ESR1: variants seen among roughly 807,000 people sequenced by gnomAD.
ESR1 encodes the protein estrogen receptor 1, also known as estrogen receptor.
Under a neutral mutation model 52.7 loss-of-function variants are expected in ESR1, and 12 were observed. That is an observed-to-expected ratio of 0.23 (90% confidence interval 0.15 to 0.37). The LOEUF is 0.37. Among genes scored for constraint, ESR1 ranks in the 10% least tolerant of loss-of-function variants. The pLI, the probability that ESR1 is intolerant of heterozygous loss-of-function variation, is 1.00. For missense variants in ESR1, 584 were observed against 779.7 expected (o/e 0.75, Z 2.99); for synonymous variants, 305 against 316.8 (o/e 0.96, Z 0.39).
At chr6:151,734,747 C>T (rs1387587532) in intron 2 of ESR1, among the ~76,000 whole-genome samples, 3 of 152,080 alleles carry the variant, frequency 2.0e-5, no homozygotes, top group Non-Finnish European at 2.9e-5. Flanking sequence ...CTCAGCCTCC[C>T]GAGTAGCTGG....
intron 3 of ESR1, among the ~76,000 whole-genome samples, chr6:151,903,872 T>C (rs1388282225): frequency 1.3e-5 from 2 of 152,228 alleles, no homozygotes; most frequent in African/African-American, 4.8e-5. Flanking sequence ...AAAAAATATA[T>C]TTATCTCCTA....
At chr6:151,683,041 C>T (rs1342099064) in intron 1 of ESR1, among the ~76,000 whole-genome samples, 1 of 152,180 alleles carries the variant, frequency 6.6e-6, no homozygotes, top group Non-Finnish European at 1.5e-5. Context: ...CTTATGGTGA[C>T]CTAGTGATCC....
At chr6:151,909,308 A>G (rs1797904549) in intron 3 of ESR1, among the ~76,000 whole-genome samples, 1 of 152,204 alleles carries the variant, frequency 6.6e-6, no homozygotes, top group South Asian at 2.1e-4. Context: ...TTAGTGAACT[A>G]GGCCATGACT....
chr6:152,119,022 G>A (rs909207326), intron 6 of ESR1, among the ~76,000 whole-genome samples: 28 of 152,260 alleles, frequency 1.8e-4, no homozygotes, highest in Admixed American at 1.3e-3. Flanking sequence ...TGGTTGCACC[G>A]AACAAGGAAC....
intron 2 of ESR1, among the ~76,000 whole-genome samples, chr6:151,731,281 C>T (rs532414350): frequency 6.4e-4 from 97 of 151,704 alleles, no homozygotes; most frequent in Admixed American, 7.9e-4. Flanking sequence ...GCTTGAACTC[C>T]GGAGGTGGAG....
chr6:151,892,515 A>G (rs1036425745), intron 3 of ESR1, among the ~76,000 whole-genome samples: 7 of 152,206 alleles, frequency 4.6e-5, no homozygotes, highest in Middle Eastern at 3.2e-3. Context: ...ATATTGCTAT[A>G]AATCACCAGC....
chr6:151,997,087 A>C (rs1017371912), intron 4 of ESR1, among the ~76,000 whole-genome samples: 1 of 152,122 alleles, frequency 6.6e-6, no homozygotes, highest in East Asian at 1.9e-4. Flanking sequence ...AAAACAAAAA[A>C]AAAACAAAGC....
intron 4 of ESR1, among the ~76,000 whole-genome samples, chr6:152,009,924 A>C (rs2042632838): frequency 6.6e-6 from 1 of 152,166 alleles, no homozygotes; most frequent in Non-Finnish European, 1.5e-5. Context: ...ACTGTTCATC[A>C]TACATACAAC....
At chr6:151,891,093 T>C (rs1458714896) in intron 3 of ESR1, among the ~76,000 whole-genome samples, 1 of 152,212 alleles carries the variant, frequency 6.6e-6, no homozygotes, top group African/African-American at 2.4e-5. Context: ...ATAAAAGATC[T>C]TATAGTTATA....
chr6:151,820,028 GA>G (rs1780310831), intron 1 of ESR1, among the ~76,000 whole-genome samples: 1 of 152,120 alleles, frequency 6.6e-6, no homozygotes. Flanking sequence ...GATAGACAAT[GA>G]AAAAACAGTA....
chr6:151,930,109 G>A (rs1346712565), intron 3 of ESR1, among the ~76,000 whole-genome samples: 3 of 151,284 alleles, frequency 2.0e-5, no homozygotes, highest in Non-Finnish European at 2.9e-5. Flanking sequence ...TCAGTCTCCC[G>A]AATAGCTGGA....
chr6:151,987,777 T>C (rs2040630961), intron 4 of ESR1, among the ~76,000 whole-genome samples: 1 of 152,144 alleles, frequency 6.6e-6, no homozygotes, highest in Middle Eastern at 3.2e-3. Context: ...ATTTTTCCTT[T>C]TTGTATGCTG....
intron 2 of ESR1, among the ~76,000 whole-genome samples, chr6:151,740,319 A>G (rs1369631697): frequency 2.1e-5 from 2 of 94,298 alleles, no homozygotes; most frequent in South Asian, 3.2e-4. Flanking sequence ...TATTTTTAGT[A>G]TATACAGGTT....
intron 4 of ESR1, among the ~76,000 whole-genome samples, chr6:152,003,721 T>C (rs2042130838): frequency 6.6e-6 from 1 of 151,996 alleles, no homozygotes. Context: ...TACAGCTTAA[T>C]ATCTTCATAC....
Position 152,101,901 on chromosome 6 carries a change from A to C in ESR1, c.*2935A>C. 4.5e-6 allele frequency: 1 copy of C among 221,218 alleles called. No homozygotes were observed. Among genetic ancestry groups the C allele is most frequent in the African/African-American group, 2.2e-5 (1 of 44,812 alleles). 13.7% of individuals were successfully genotyped at this position (221,218 alleles called of 1,614,324 possible). On this transcript the variant is annotated 3_prime_UTR_variant, in exon 8 of 8. Coordinates refer to ENST00000206249, the MANE Select transcript of ESR1 (RefSeq NM_000125.4). ...CTAGCTCCATTTACAGCCATTTCTA[A>C]AATGGCAGCTTCAGTTCTAGAGAAG...
intron 1 of ESR1, among the ~76,000 whole-genome samples, chr6:151,814,369 A>C (rs952778161): frequency 6.6e-6 from 1 of 152,012 alleles, no homozygotes; most frequent in Non-Finnish European, 1.5e-5. Flanking sequence ...TAGAAGTTTA[A>C]ACTCCCTTTA....
chr6:151,686,712 CCAA>C (rs765561907), upstream of ESR1, among the ~76,000 whole-genome samples: 7 of 151,636 alleles, frequency 4.6e-5, no homozygotes, highest in African/African-American at 1.7e-4. Flanking sequence ...AACCAACCAA[CCAA>C]CCAACCAACC....
intron 4 of ESR1, among the ~76,000 whole-genome samples, chr6:151,999,493 C>A (rs914262322): frequency 1.3e-5 from 2 of 152,034 alleles, no homozygotes; most frequent in Non-Finnish European, 2.9e-5. Context: ...TTATATATAA[C>A]AAGCATTTCC....
intron 3 of ESR1, among the ~76,000 whole-genome samples, chr6:151,926,165 G>T (rs1357199422): frequency 6.6e-6 from 1 of 151,604 alleles, no homozygotes; most frequent in Non-Finnish European, 1.5e-5. Context: ...ATCTATTTCT[G>T]GACTTCTTAC....
Sources: gnomAD v4.1 joint callset for allele counts (sites outside exome capture counted in the v4.1 genomes callset) on GRCh38, gnomAD v4.1.1 for gene constraint, MANE v1.5 for transcripts, NCBI Gene and HGNC (gene_info 2026-07-23, HGNC 2026-07-21) for gene names.